Variants in EDIL3 observed in about 807,000 individuals in gnomAD.
The protein encoded by EDIL3 is EGF-like repeat and discoidin I-like domain-containing protein 3.
A neutral mutation model predicts 67.4 loss-of-function variants in EDIL3; 37 were observed. The observed-to-expected ratio is 0.55, with a 90% CI of 0.42 to 0.72. EDIL3 has a LOEUF of 0.72. Ranked by LOEUF, EDIL3 falls within the 30% of genes least tolerant of loss-of-function variation. The pLI, the probability that EDIL3 is intolerant of heterozygous loss-of-function variation, is 0.00. For synonymous variants in EDIL3, 195 were observed against 196.3 expected (o/e 0.99, Z 0.05); for missense variants, 527 against 586.3 (o/e 0.90, Z 1.04).
chr5:84,232,728 A>G (rs528553161), intron 2 of EDIL3, among the ~76,000 whole-genome samples: 2 of 152,306 alleles, frequency 1.3e-5, no homozygotes, highest in Admixed American at 6.5e-5. Context: ...CAATATTCAT[A>G]CTATTCACAC....
intron 10 of EDIL3, among the ~76,000 whole-genome samples, chr5:83,951,403 T>A (rs1027596925): frequency 6.6e-6 from 1 of 151,806 alleles, no homozygotes; most frequent in Non-Finnish European, 1.5e-5. Flanking sequence ...AAATCTCTGA[T>A]TATAGCCCAA....
chr5:84,049,867 C>G (rs1469046853), intron 9 of EDIL3, among the ~76,000 whole-genome samples: 4 of 152,090 alleles, frequency 2.6e-5, no homozygotes, highest in African/African-American at 7.2e-5. Context: ...TTAGCAGCAA[C>G]TCAAGAAAGC....
intron 4 of EDIL3, among the ~76,000 whole-genome samples, chr5:84,176,198 A>AATAT (rs561062432): frequency 0.011 from 810 of 77,114 alleles, 5 homozygotes; most frequent in South Asian, 0.02. Context: ...ATATATATAT[A>AATAT]ATATATATAT....
chr5:84,048,943 C>T (rs17591329), intron 9 of EDIL3, among the ~76,000 whole-genome samples: 1,687 of 152,140 alleles, frequency 0.011, 60 homozygotes, highest in East Asian at 0.096. Flanking sequence ...CTTTAAGCAT[C>T]TTAACAATGT....
chr5:84,132,482 T>A (rs1178407405), intron 5 of EDIL3, among the ~76,000 whole-genome samples: 2 of 9,248 alleles, frequency 2.2e-4, no homozygotes, highest in Non-Finnish European at 3.5e-4. Flanking sequence ...ATATATATTT[T>A]AATATATATT....
chr5:84,290,966 T>C (rs1470344207), intron 1 of EDIL3, among the ~76,000 whole-genome samples: 1 of 152,160 alleles, frequency 6.6e-6, no homozygotes, highest in Non-Finnish European at 1.5e-5. Context: ...TCAGCTTTAG[T>C]CTCACTGCAA....
intron 1 of EDIL3, among the ~76,000 whole-genome samples, chr5:84,272,156 T>G (rs1185998181): frequency 1.3e-5 from 2 of 152,092 alleles, no homozygotes; most frequent in Non-Finnish European, 2.9e-5. Context: ...GAAGGAAATA[T>G]AATTATTTAT....
chr5:83,990,481 A>C (rs1745130035), intron 9 of EDIL3, among the ~76,000 whole-genome samples: 1 of 126,318 alleles, frequency 7.9e-6, no homozygotes, highest in African/African-American at 2.9e-5. Flanking sequence ...GTGAGACTCC[A>C]TCACAAAAAA....
chr5:84,003,858 A>G (rs1368049579), intron 9 of EDIL3, among the ~76,000 whole-genome samples: 1 of 152,142 alleles, frequency 6.6e-6, no homozygotes, highest in African/African-American at 2.4e-5. Context: ...TAAATGTCCC[A>G]TGTCAAAGGC....
chr5:84,333,780 T>A (rs779190817), intron 1 of EDIL3, among the ~76,000 whole-genome samples: 1 of 152,140 alleles, frequency 6.6e-6, no homozygotes, highest in Non-Finnish European at 1.5e-5. Context: ...TCCTAAAGCA[T>A]ATAATCAATA....
At chr5:84,382,108 C>T (rs1287013669) in intron 1 of EDIL3, among the ~76,000 whole-genome samples, 2 of 152,182 alleles carry the variant, frequency 1.3e-5, no homozygotes, top group Admixed American at 1.3e-4. Context: ...TAGAGAGGTG[C>T]AAGTTTTAAC....
intron 4 of EDIL3, among the ~76,000 whole-genome samples, chr5:84,152,375 T>G (rs1748411353): frequency 6.6e-6 from 1 of 152,214 alleles, no homozygotes; most frequent in Admixed American, 6.5e-5. Flanking sequence ...AAGGAAGCCT[T>G]CAAGACAACA....
chr5:83,953,943 C>G (rs1018543914), intron 10 of EDIL3, among the ~76,000 whole-genome samples: 1 of 151,756 alleles, frequency 6.6e-6, no homozygotes, highest in East Asian at 1.9e-4. Context: ...AAATGATTAA[C>G]TTTATAGGGA....
At chr5:84,114,200 A>G (rs1001003154) in intron 5 of EDIL3, among the ~76,000 whole-genome samples, 2 of 129,000 alleles carry the variant, frequency 1.6e-5, no homozygotes, top group African/African-American at 6.1e-5. Flanking sequence ...GCCCCCATGC[A>G]TTTGATTTGA....
intron 3 of EDIL3, among the ~76,000 whole-genome samples, chr5:84,224,374 T>TATTCTCACACCTTATA (rs1442996954): frequency 1.9e-4 from 29 of 151,734 alleles, no homozygotes; most frequent in Admixed American, 5.3e-4. Context: ...AAACTTGATT[T>TATTCTCACACCTTATA]GCTACACCTT....
At chr5:84,263,691 G>A (rs896180341) in intron 1 of EDIL3, among the ~76,000 whole-genome samples, 23 of 152,136 alleles carry the variant, frequency 1.5e-4, no homozygotes, top group African/African-American at 5.6e-4. Flanking sequence ...ATAAATGTTA[G>A]TCAAATACCT....
At chr5:83,999,284 C>T (rs1745284703) in intron 9 of EDIL3, among the ~76,000 whole-genome samples, 2 of 152,142 alleles carry the variant, frequency 1.3e-5, no homozygotes, top group South Asian at 2.1e-4. Context: ...CAAACATGAC[C>T]TCATCAACTG....
intron 5 of EDIL3, among the ~76,000 whole-genome samples, chr5:84,117,652 G>GAA (rs568992977): frequency 9.3e-5 from 12 of 128,776 alleles, no homozygotes; most frequent in African/African-American, 3.4e-4. Context: ...AGTAAATTTT[G>GAA]AAAAAAAAAA....
chr5:84,326,849 T>C (rs1746769076), intron 1 of EDIL3, among the ~76,000 whole-genome samples: 1 of 151,988 alleles, frequency 6.6e-6, no homozygotes, highest in African/African-American at 2.4e-5. Context: ...TAGATATATG[T>C]TGAATTGTAT....
Sources: allele counts gnomAD v4.1 joint callset (sites outside exome capture counted in the v4.1 genomes callset), GRCh38; gene constraint gnomAD v4.1.1; transcripts MANE v1.5; gene names NCBI Gene and HGNC (gene_info 2026-07-23, HGNC 2026-07-21).